Variants in OIT3 observed in about 807,000 individuals in gnomAD.
OIT3 encodes the protein oncoprotein-induced transcript 3 protein.
A neutral mutation model predicts 52.2 loss-of-function variants in OIT3; 41 were observed. That is an observed-to-expected ratio of 0.79 (90% CI 0.61 to 1.02). OIT3 has a LOEUF of 1.02. OIT3 is among the 50% of genes least tolerant of loss of function. The pLI is 0.00. For synonymous variants in OIT3, 244 were observed against 276.9 expected (o/e 0.88, Z 1.18); for missense variants, 634 against 715.5 (o/e 0.89, Z 1.30).
chr10:72,900,873 C>T (rs936640805), intron 3 of OIT3, among the ~76,000 whole-genome samples: 2 of 152,014 alleles, frequency 1.3e-5, no homozygotes, highest in African/African-American at 2.4e-5. Context: ...TTTGAGACCA[C>T]CCTGGGCAAC....
chr10:72,916,368 CTA>C (rs1242613429), intron 6 of OIT3, among the ~76,000 whole-genome samples: 2 of 152,106 alleles, frequency 1.3e-5, no homozygotes, highest in African/African-American at 4.8e-5. Context: ...CTGTTCCACA[CTA>C]TGTGTCAGTG....
intron 6 of OIT3, among the ~76,000 whole-genome samples, chr10:72,914,439 A>G (rs549351295): frequency 1.7e-4 from 26 of 152,314 alleles, no homozygotes; most frequent in Non-Finnish European, 4.4e-5. Context: ...ATATTTATTT[A>G]TGACTCTAAA....
At chr10:72,916,482 A>G (rs543014130) in intron 6 of OIT3, among the ~76,000 whole-genome samples, 6 of 151,996 alleles carry the variant, frequency 3.9e-5, no homozygotes, top group Admixed American at 6.6e-5. Flanking sequence ...AGCTCCATCC[A>G]CTCCCTGCAA....
At chr10:72,905,603 GC>G (rs1354162145) in intron 3 of OIT3, among the ~76,000 whole-genome samples, 1 of 152,158 alleles carries the variant, frequency 6.6e-6, no homozygotes, top group African/African-American at 2.4e-5. Context: ...TCAGACCTAG[GC>G]CAAATTTTCC....
intron 8 of OIT3, among the ~76,000 whole-genome samples, chr10:72,932,103 G>A (rs559286553): frequency 6.6e-6 from 1 of 152,086 alleles, no homozygotes; most frequent in African/African-American, 2.4e-5. Flanking sequence ...TATGAATGTG[G>A]GTTTTTTTAA....
At chr10:72,902,952 T>C (rs1373069344) in intron 3 of OIT3, among the ~76,000 whole-genome samples, 2 of 152,144 alleles carry the variant, frequency 1.3e-5, no homozygotes, top group Non-Finnish European at 2.9e-5. Context: ...TCACATCTCT[T>C]CCTTAATTTA....
At chr10:72,919,298 T>C (rs1268158362) in intron 6 of OIT3, among the ~76,000 whole-genome samples, 1 of 152,174 alleles carries the variant, frequency 6.6e-6, no homozygotes, top group Non-Finnish European at 1.5e-5. Flanking sequence ...CACCATTGAT[T>C]TTGTATTCTG....
intron 4 of OIT3, among the ~76,000 whole-genome samples, chr10:72,908,418 T>C (rs1035025100): frequency 6.6e-6 from 1 of 152,200 alleles, no homozygotes; most frequent in Non-Finnish European, 1.5e-5. Context: ...AAAAGTTCAC[T>C]TTATTCTAGC....
chr10:72,913,524 GC>G, intron 6 of OIT3, 56 bp downstream of exon 6: 4 of 1,401,906 alleles, frequency 2.9e-6, no homozygotes, highest in Non-Finnish European at 4.0e-6. Context: ...TATTTGGGAG[GC>G]AGTGGACAGA....
rs1199962729 is a variant in OIT3, at chr10:72,918,452, A to G, written c.951+4984A>G. ...CATCATTATCCACCTTAAAGTGATC[A>G]TCTTTGTCAGCCTTAATTCACAACC... On this transcript the variant is annotated intron_variant, in intron 6 of 8. Transcript: ENST00000334011. 3 of 889,112 alleles carry G rather than the reference A, an allele frequency of 3.4e-6. No homozygotes were observed. In the East Asian group the frequency reaches 7.2e-5, roughly 21 times the overall value. The allele number at this position is 889,112 out of a possible 1,614,324, so 55.1% of individuals were successfully genotyped here. A position where few individuals can be genotyped will look rare whatever the true frequency, so the allele number is the denominator to read the frequency against.
intron 8 of OIT3, among the ~76,000 whole-genome samples, chr10:72,931,635 T>C (rs904429590): frequency 1.3e-5 from 2 of 152,148 alleles, no homozygotes; most frequent in African/African-American, 4.8e-5. Flanking sequence ...ATATTAAGAG[T>C]TATTAAAATG....
rs916391536 is a variant in OIT3 at position 72,895,433 on chromosome 10, G to C, written c.61+1574G>C. Among the ~76,000 whole-genome samples the C allele has an allele frequency of 2.0e-4, 30 of 152,262 alleles. 1 individual carries two copies. The highest frequency in any genetic ancestry group is 4.6e-4 in the African/African-American group (19 of 41,536). On this transcript the variant is annotated intron_variant, in intron 1 of 8. Coordinates refer to ENST00000334011, the MANE Select transcript of OIT3 (RefSeq NM_152635.3). ...AAGGATGATATTTGGCTCAATGCCA[G>C]AAGCATGATAAAGGGGGAACTTTGG... is the stretch of plus-strand genomic sequence containing the variant.
intron 4 of OIT3, among the ~76,000 whole-genome samples, chr10:72,909,266 G>A (rs1229933763): frequency 2.6e-5 from 4 of 151,648 alleles, no homozygotes; most frequent in Non-Finnish European, 5.9e-5. Flanking sequence ...GACTACAGGC[G>A]TGCACCACCA....
intron 6 of OIT3, 67 bp downstream of exon 6, chr10:72,913,535 A>G: frequency 7.8e-7 from 1 of 1,276,214 alleles, no homozygotes; most frequent in Admixed American, 1.7e-5. Context: ...CAGTGGACAG[A>G]GGTATGCCAT....
At chr10:72,921,513 A>G (rs772116847) in intron 6 of OIT3, among the ~76,000 whole-genome samples, 1 of 152,068 alleles carries the variant, frequency 6.6e-6, no homozygotes, top group Non-Finnish European at 1.5e-5. Flanking sequence ...ACCTTTGCAT[A>G]TTTAGTGTTT....
chr10:72,927,631 A>G (rs1265133730), intron 7 of OIT3, among the ~76,000 whole-genome samples: 1 of 152,170 alleles, frequency 6.6e-6, no homozygotes, highest in Non-Finnish European at 1.5e-5. Flanking sequence ...TACAAGAATG[A>G]TGTGTGCAAG....
intron 5 of OIT3, 86 bp downstream of exon 5, chr10:72,911,925 G>A: frequency 1.6e-6 from 2 of 1,263,958 alleles, no homozygotes; most frequent in African/African-American, 1.5e-5. Context: ...CCCCAAGTGT[G>A]TCAGGGTTCT....
intron 1 of OIT3, among the ~76,000 whole-genome samples, chr10:72,897,340 A>G (rs1318691493): frequency 2.6e-5 from 4 of 152,262 alleles, no homozygotes; most frequent in African/African-American, 2.4e-5. Context: ...TTGTTTTCCA[A>G]TGTTTTCATG....
chr10:72,920,673 A>C (rs1280930291), intron 6 of OIT3, among the ~76,000 whole-genome samples: 2 of 152,122 alleles, frequency 1.3e-5, no homozygotes, highest in African/African-American at 4.8e-5. Context: ...TTTTCTGCTT[A>C]ATTTCATTAT....
Sources: allele counts gnomAD v4.1 joint callset (sites outside exome capture counted in the v4.1 genomes callset), GRCh38; gene constraint gnomAD v4.1.1; transcripts MANE v1.5; gene names NCBI Gene and HGNC (gene_info 2026-07-23, HGNC 2026-07-21).